SLIT3: variants seen among roughly 807,000 people sequenced by gnomAD.
SLIT3 encodes the protein slit guidance ligand 3.
Under a neutral mutation model 184.0 loss-of-function variants are expected in SLIT3, and 68 were observed. The ratio of observed to expected loss-of-function variants is 0.37; its 90% CI spans 0.30 to 0.45. The LOEUF (loss-of-function observed/expected upper bound fraction) is 0.45. Among genes scored for constraint, SLIT3 ranks in the 20% least tolerant of loss-of-function variants. The pLI, the probability that SLIT3 is intolerant of heterozygous loss-of-function variation, is 1.00. For synonymous variants in SLIT3, 831 were observed against 828.6 expected, an observed-to-expected ratio of 1.00 and a Z score of -0.05; for missense variants, 1,707 against 2,026.0, an observed-to-expected ratio of 0.84 and a Z score of 3.02.
intron 33 of SLIT3, 143 bp from the exon 34 acceptor site, chr5:168,671,626 C>T (rs889463077): frequency 1.6e-5 from 14 of 866,158 alleles, no homozygotes; most frequent in African/African-American, 3.4e-5. Flanking sequence ...GCCAAAACCT[C>T]GGACCTCCTC....
At chr5:168,900,557 G>A (rs1384018000) in intron 4 of SLIT3, among the ~76,000 whole-genome samples, 2 of 152,204 alleles carry the variant, frequency 1.3e-5, no homozygotes, top group Admixed American at 6.5e-5. Context: ...GGAGGTTGCA[G>A]TGAGCCTAGA....
chr5:168,760,827 C>G, intron 16 of SLIT3, 35 bp downstream of exon 16: 1 of 1,527,166 alleles, frequency 6.5e-7, no homozygotes, highest in Non-Finnish European at 9.1e-7. Context: ...GGCTAGAGAA[C>G]AGAGGCTGCT....
chr5:169,174,388 T>C (rs1762907427), intron 4 of SLIT3, among the ~76,000 whole-genome samples: 1 of 152,252 alleles, frequency 6.6e-6, no homozygotes, highest in South Asian at 2.1e-4. Flanking sequence ...TGGGGTGACA[T>C]TAGAAAGGTA....
At chr5:169,207,370 T>TACACACACACAC (rs56721949) in intron 3 of SLIT3, among the ~76,000 whole-genome samples, 9 of 131,886 alleles carry the variant, frequency 6.8e-5, no homozygotes, top group African/African-American at 1.4e-4. Context: ...TACACATACA[T>TACACACACACAC]ACACACACAC....
At chr5:168,709,306 G>T (rs1762475061) in intron 25 of SLIT3, among the ~76,000 whole-genome samples, 1 of 152,084 alleles carries the variant, frequency 6.6e-6, no homozygotes, top group African/African-American at 2.4e-5. Context: ...TTGTTGGGCA[G>T]ACTGGTCTTG....
chr5:169,082,010 C>T (rs1031276900), intron 4 of SLIT3, among the ~76,000 whole-genome samples: 5 of 152,136 alleles, frequency 3.3e-5, no homozygotes, highest in East Asian at 1.9e-4. Context: ...TAACATTTAG[C>T]GACATTGTGC....
chr5:168,920,502 C>T (rs1193501734), intron 4 of SLIT3, among the ~76,000 whole-genome samples: 3 of 152,166 alleles, frequency 2.0e-5, no homozygotes, highest in African/African-American at 7.2e-5. Flanking sequence ...TATTCACCAG[C>T]GAGACCATCA....
intron 1 of SLIT3, among the ~76,000 whole-genome samples, chr5:169,279,240 G>T (rs920719456): frequency 1.9e-4 from 29 of 152,190 alleles, no homozygotes; most frequent in African/African-American, 7.0e-4. Flanking sequence ...CAAAAACAAA[G>T]TGTGAGTGAA....
intron 4 of SLIT3, among the ~76,000 whole-genome samples, chr5:168,986,250 C>T (rs1029791172): frequency 2.0e-5 from 3 of 152,156 alleles, no homozygotes; most frequent in Non-Finnish European, 4.4e-5. Flanking sequence ...AAATCACGAT[C>T]CCTATATGAT....
At chr5:168,985,143 C>A (rs1755080960) in intron 4 of SLIT3, among the ~76,000 whole-genome samples, 1 of 152,178 alleles carries the variant, frequency 6.6e-6, no homozygotes, top group African/African-American at 2.4e-5. Context: ...CCTTCCGTGG[C>A]CACCCTGGGC....
chr5:168,757,231 T>C (rs1754977796), intron 16 of SLIT3, among the ~76,000 whole-genome samples: 1 of 152,086 alleles, frequency 6.6e-6, no homozygotes, highest in Non-Finnish European at 1.5e-5. Flanking sequence ...CATCTTTGGG[T>C]TAGTTCAGAG....
At chr5:168,968,439 A>C (rs9790884) in intron 4 of SLIT3, among the ~76,000 whole-genome samples, 6,031 of 152,138 alleles carry the variant, frequency 0.04, 158 homozygotes, top group Middle Eastern at 0.065. Context: ...ACCACTCTTC[A>C]CTGCCATCAT....
intron 4 of SLIT3, among the ~76,000 whole-genome samples, chr5:169,040,133 C>T (rs933654126): frequency 6.6e-6 from 1 of 152,188 alleles, no homozygotes; most frequent in Non-Finnish European, 1.5e-5. Context: ...TTCCTATCGA[C>T]CACATCCAGG....
chr5:168,857,686 A>G (rs73805260), intron 5 of SLIT3, among the ~76,000 whole-genome samples: 1 of 152,214 alleles, frequency 6.6e-6, no homozygotes, highest in African/African-American at 2.4e-5. Context: ...AATGCAGTAC[A>G]TTGAGAATGT....
chr5:168,856,983 T>G (rs920696151), intron 5 of SLIT3, among the ~76,000 whole-genome samples: 2 of 151,254 alleles, frequency 1.3e-5, no homozygotes, highest in Admixed American at 6.6e-5. Flanking sequence ...GAAGGGATGG[T>G]GGGGGGGCCT....
In SLIT3 at chr5:168,696,262, C is replaced by A. The variant is rs551231441; in HGVS notation, c.3082+30G>T. The A allele has an allele frequency of 1.0e-4, 168 of 1,613,720 alleles. No individual in the cohort carries two copies. The South Asian group carries it at 1.5e-3, about 14-fold the overall frequency. On this transcript the variant is annotated intron_variant, in intron 28 of 35. Transcript: ENST00000519560. ...GGTATTCTAGCGACACCCCTCCACC[C>A]CACCATACATACAGTCATGAGATCC...
In SLIT3 at chr5:168,988,143, C is replaced by T. The variant is rs1048990897; in HGVS notation, c.414-104807G>A. On this transcript the variant is annotated intron_variant, in intron 4 of 35. Coordinates refer to ENST00000519560, the MANE Select transcript of SLIT3 (RefSeq NM_003062.4). ...GAGTCTGGTGAATGGACCATATGTGCACCTATGGTGACCATTTTGTCTGAG... is the reference window on the plus strand; with the variant it reads ...GAGTCTGGTGAATGGACCATATGTGTACCTATGGTGACCATTTTGTCTGAG... Among the ~76,000 whole-genome samples, 3 of 152,180 alleles carry T rather than the reference C, an allele frequency of 2.0e-5. No homozygotes were observed. In the South Asian group the frequency reaches 6.2e-4, roughly 32 times the overall value.
chr5:169,100,661 A>G (rs1759975007), intron 4 of SLIT3, among the ~76,000 whole-genome samples: 1 of 152,164 alleles, frequency 6.6e-6, no homozygotes, highest in Non-Finnish European at 1.5e-5. Flanking sequence ...TACTGTAACC[A>G]TCTGCCCCAG....
chr5:169,241,840 G>A (rs1205909239), intron 3 of SLIT3, among the ~76,000 whole-genome samples: 1 of 152,106 alleles, frequency 6.6e-6, no homozygotes, highest in Non-Finnish European at 1.5e-5. Context: ...ACTTTCATGG[G>A]GGAATAGAGA....
Sources: allele counts gnomAD v4.1 joint callset (sites outside exome capture counted in the v4.1 genomes callset), GRCh38; gene constraint gnomAD v4.1.1; transcripts MANE v1.5; gene names NCBI Gene and HGNC (gene_info 2026-07-23, HGNC 2026-07-21).